The following CHL1 variants were observed in gnomAD, a reference collection of about 807,000 sequenced individuals.
The protein encoded by CHL1 is neural cell adhesion molecule L1-like protein.
A neutral mutation model predicts 141.9 loss-of-function variants in CHL1; 96 were observed. That is an observed-to-expected ratio of 0.68 (90% CI 0.57 to 0.80). CHL1 has a LOEUF of 0.80. Ranked by LOEUF, CHL1 falls within the 30% of genes least tolerant of loss-of-function variation. CHL1 has a pLI of 0.00. For missense variants in CHL1, 1,820 were observed against 1,457.2 expected, an observed-to-expected ratio of 1.25 and a Z score of -4.05; for synonymous variants, 613 against 502.2, an observed-to-expected ratio of 1.22 and a Z score of -2.95.
chr3:342,970 T>G lies in CHL1; in HGVS notation c.680-14T>G. The G allele has an allele frequency of 6.3e-7, 1 of 1,597,932 alleles. No homozygotes were observed. The highest frequency in any genetic ancestry group is 2.2e-5 in the East Asian group (1 of 44,520). ...ATTATGTTTGTGTTTTTTCCTTCCG[T>G]TTTTTTATTTCAGTAAAGCATGCTA... On this transcript the variant is annotated splice_polypyrimidine_tract_variant and intron_variant, in intron 7 of 27. Coordinates refer to ENST00000256509, the MANE Select transcript of CHL1 (RefSeq NM_006614.4).
At chr3:266,302 T>C (rs1695143289) in intron 2 of CHL1, among the ~76,000 whole-genome samples, 1 of 152,112 alleles carries the variant, frequency 6.6e-6, no homozygotes, top group Non-Finnish European at 1.5e-5. Context: ...CCTGCAGTGA[T>C]GCACCAGCGA....
intron 2 of CHL1, among the ~76,000 whole-genome samples, chr3:290,879 T>A (rs1379234805): frequency 6.7e-6 from 1 of 149,172 alleles, no homozygotes; most frequent in Non-Finnish European, 1.5e-5. Flanking sequence ...GAGGTTGTGG[T>A]GAGCAGAGAA....
intron 1 of CHL1, among the ~76,000 whole-genome samples, chr3:223,947 A>C (rs557646867): frequency 2.6e-5 from 4 of 152,214 alleles, no homozygotes; most frequent in Non-Finnish European, 5.9e-5. Context: ...TGGTGGAGTC[A>C]GCTGGCCTGC....
rs1005452350 is a variant in CHL1, at chr3:231,292, C to T, written c.-174-13321C>T. Reference sequence around the variant, plus strand: ...TCCCATAATTAAGGCAGATTTTTTTCCTTCCTCCTTCCTCTCCTCTCTTTT... The same window carrying T: ...TCCCATAATTAAGGCAGATTTTTTTTCTTCCTCCTTCCTCTCCTCTCTTTT... On this transcript the variant is annotated intron_variant, in intron 1 of 27. Coordinates refer to ENST00000256509, the MANE Select transcript of CHL1 (RefSeq NM_006614.4). Among the ~76,000 whole-genome samples the T allele has an allele frequency of 8.6e-5, 13 of 151,772 alleles. No homozygotes were observed. The East Asian group carries it at 2.3e-3, about 27-fold the overall frequency.
Position 399,091 on chromosome 3 carries a change from A to G in CHL1, c.3328A>G (p.Thr1110Ala). Residue 1110 changes from threonine to alanine, a missense_variant, in exon 26 of 28, where the codon ACA becomes GCA. Coordinates refer to ENST00000256509, the MANE Select transcript of CHL1 (RefSeq NM_006614.4). ...IGLMCAIALLTLLLLTVCFVK... is the reference protein window; with the variant it reads ...IGLMCAIALLALLLLTVCFVK... ...ACTGATGTGTGCGATTGCTCTTCTC[A>G]CACTACTATTATTAACTGTTTGCTT... The G allele has an allele frequency of 6.2e-7, 1 of 1,608,058 alleles. No individual in the cohort carries two copies.
chr3:308,342 T>C (rs1160647900), intron 2 of CHL1, among the ~76,000 whole-genome samples: 4 of 152,126 alleles, frequency 2.6e-5, no homozygotes, highest in African/African-American at 9.7e-5. Flanking sequence ...CCTCATAAAA[T>C]GTACAGTCTC....
At chr3:379,111 G>C (rs969418813) in intron 16 of CHL1, among the ~76,000 whole-genome samples, 1 of 152,082 alleles carries the variant, frequency 6.6e-6, no homozygotes, top group South Asian at 2.1e-4. Flanking sequence ...CACTCCAGCT[G>C]TTGGGGCCAC....
rs962564066 is a variant in CHL1, at chr3:223,595, A to T, written c.-174-21018A>T. 4.6e-5 allele frequency among the ~76,000 whole-genome samples: 7 copies of T among 152,346 alleles called. No homozygotes were observed. In the East Asian group the frequency reaches 1.3e-3, roughly 29 times the overall value. On this transcript the variant is annotated intron_variant, in intron 1 of 27. Transcript: ENST00000256509. ...ATTAGATCCATGTGAACTATCAAAA[A>T]TTGTATTATAATTGTCCAACAGGTT...
chr3:292,550 TG>T (rs951302788), intron 2 of CHL1, among the ~76,000 whole-genome samples: 1 of 152,184 alleles, frequency 6.6e-6, no homozygotes, highest in Non-Finnish European at 1.5e-5. Flanking sequence ...TAAATCTTAT[TG>T]GGGGCAAAAA....
intron 2 of CHL1, among the ~76,000 whole-genome samples, chr3:293,020 T>C (rs942135793): frequency 6.6e-6 from 1 of 152,360 alleles, no homozygotes; most frequent in Middle Eastern, 3.4e-3. Flanking sequence ...AGCCAACACA[T>C]GGGTTTACCC....
intron 16 of CHL1, among the ~76,000 whole-genome samples, chr3:379,433 C>T (rs538107377): frequency 3.3e-5 from 5 of 152,132 alleles, no homozygotes; most frequent in Admixed American, 2.6e-4. Context: ...GTTTAATCCC[C>T]TAGGATGATT....
chr3:251,183 A>G (rs1693663235), intron 2 of CHL1, among the ~76,000 whole-genome samples: 1 of 152,072 alleles, frequency 6.6e-6, no homozygotes, highest in South Asian at 2.1e-4. Context: ...AGAAGGATCC[A>G]TTTGATTGGG....
intron 2 of CHL1, among the ~76,000 whole-genome samples, chr3:252,958 G>A (rs528150145): frequency 1.3e-5 from 2 of 152,090 alleles, no homozygotes; most frequent in South Asian, 4.2e-4. Flanking sequence ...TAACTATATA[G>A]AAATGAACAT....
chr3:297,496 T>C (rs925787592), intron 2 of CHL1, among the ~76,000 whole-genome samples: 2 of 152,362 alleles, frequency 1.3e-5, no homozygotes, highest in African/African-American at 2.4e-5. Context: ...TGTCTTTCAA[T>C]AGGATATGAA....
At chr3:328,953 T>A (rs1002217443) in intron 5 of CHL1, among the ~76,000 whole-genome samples, 1 of 152,158 alleles carries the variant, frequency 6.6e-6, no homozygotes, top group African/African-American at 2.4e-5. Context: ...CCATCTAACA[T>A]CAATAGTATG....
chr3:243,233 A>C (rs977809559), intron 1 of CHL1, among the ~76,000 whole-genome samples: 7 of 152,168 alleles, frequency 4.6e-5, no homozygotes, highest in Non-Finnish European at 1.0e-4. Flanking sequence ...CCCCACTGAG[A>C]GACTGTCGTA....
rs374709357 is a variant in CHL1 at position 197,150 on chromosome 3, A to AG, written c.-175+91dup. The AG allele has an allele frequency of 3.0e-4, 46 of 152,006 alleles. No individual in the cohort carries two copies. The East Asian group carries it at 8.2e-3, about 27-fold the overall frequency. 9.4% of individuals were successfully genotyped at this position (152,006 alleles called of 1,614,324 possible). ...GAGGAAGGGCTGAAGGTGCTCCGGG[A>AG]GGGGTCCACTCGTTATGGAAAGGAA... On this transcript the variant is annotated intron_variant, in intron 1 of 27. Coordinates refer to ENST00000256509, the MANE Select transcript of CHL1 (RefSeq NM_006614.4).
Position 214,266 on chromosome 3 carries a change from C to T in CHL1, c.-175+17203C>T, listed in dbSNP as rs1700126283. Among the ~76,000 whole-genome samples, 5 of 152,108 alleles carry T rather than the reference C, an allele frequency of 3.3e-5. No homozygotes were observed. The South Asian group carries it at 1.0e-3, about 32-fold the overall frequency. On this transcript the variant is annotated intron_variant, in intron 1 of 27. Coordinates refer to ENST00000256509, the MANE Select transcript of CHL1 (RefSeq NM_006614.4). Reference sequence around the variant, plus strand: ...GTTTCAGAGTACTGCTAATTCCATCCACTGATCCCTTCTAGGGCCTGGTTT... The same window carrying T: ...GTTTCAGAGTACTGCTAATTCCATCTACTGATCCCTTCTAGGGCCTGGTTT...
intron 26 of CHL1, among the ~76,000 whole-genome samples, chr3:399,501 A>G (rs545352489): frequency 2.1e-4 from 32 of 152,146 alleles, no homozygotes; most frequent in South Asian, 6.2e-4. Flanking sequence ...TTAGCCGGGC[A>G]TGGTGGCAGC....
Sources: allele counts gnomAD v4.1 joint callset (sites outside exome capture counted in the v4.1 genomes callset), GRCh38; gene constraint gnomAD v4.1.1; transcripts MANE v1.5; gene names NCBI Gene and HGNC (gene_info 2026-07-23, HGNC 2026-07-21).